The following FGF13 variants were observed in gnomAD, a reference collection of about 807,000 sequenced individuals.
FGF13 encodes the protein fibroblast growth factor 13.
Under a neutral mutation model 19.5 loss-of-function variants are expected in FGF13, and 2 were observed. That is an observed-to-expected ratio of 0.10 (90% CI 0.04 to 0.32). The LOEUF (loss-of-function observed/expected upper bound fraction) is 0.32. Ranked by LOEUF, FGF13 falls within the 10% of genes least tolerant of loss-of-function variation. The probability of loss-of-function intolerance (pLI) is 1.00; values close to 1 mark genes in which losing one functional copy is unlikely to be tolerated. For synonymous variants in FGF13, 72 were observed against 76.9 expected, an observed-to-expected ratio of 0.94 and a Z score of 0.33; for missense variants, 113 against 192.7, an observed-to-expected ratio of 0.59 and a Z score of 2.45.
chrX:139,079,435 G>A (rs1164450485), intron 1 of FGF13, among the ~76,000 whole-genome samples: 1 of 110,794 alleles, frequency 9.0e-6, no homozygotes, highest in Admixed American at 9.7e-5. Context: ...AGGAAGAAGA[G>A]GAATGGCCCC....
chrX:139,064,320 G>C (rs1312468045), intron 1 of FGF13, among the ~76,000 whole-genome samples: 1 of 50,591 alleles, frequency 2.0e-5, no homozygotes, highest in African/African-American at 1.1e-4. Flanking sequence ...TTTTGAGACG[G>C]AGTCTCGCTC....
At chrX:138,778,143 G>A (rs989165821) in intron 3 of FGF13, among the ~76,000 whole-genome samples, 1 of 110,298 alleles carries the variant, frequency 9.1e-6, no homozygotes, top group African/African-American at 3.3e-5. Context: ...CTGAGGTACC[G>A]GGTTCATCTC....
At chrX:138,951,317 C>T (rs2367218) in intron 1 of FGF13, among the ~76,000 whole-genome samples, 12,535 of 111,005 alleles carry the variant, frequency 0.11, 846 homozygotes, top group African/African-American at 0.25. Context: ...TGTAGGCTCT[C>T]GAAGAAAACA....
Position 139,051,082 on chromosome X carries a change from A to G in FGF13, c.-113+152334T>C, listed in dbSNP as rs577564951. 6.2e-5 allele frequency among the ~76,000 whole-genome samples: 7 copies of G among 112,146 alleles called. No individual in the cohort carries two copies. The South Asian group carries it at 1.9e-3, about 30-fold the overall frequency. On this transcript the variant is annotated intron_variant, in intron 1 of 2. Transcript: ENST00000421460. Reference sequence around the variant, plus strand: ...TAAAGCCTCACTAAATATACCACACACAGATAGAAATATACAATAGTAAAA... The same window carrying G: ...TAAAGCCTCACTAAATATACCACACGCAGATAGAAATATACAATAGTAAAA...
intron 1 of FGF13, among the ~76,000 whole-genome samples, chrX:138,720,835 T>G (rs957083664): frequency 8.9e-6 from 1 of 112,177 alleles, no homozygotes; most frequent in African/African-American, 3.2e-5. Context: ...TAGGCCATAT[T>G]ACTTTCCCTC....
intron 3 of FGF13, among the ~76,000 whole-genome samples, chrX:138,673,036 G>A (rs1480646562): frequency 9.0e-6 from 1 of 111,093 alleles, no homozygotes; most frequent in African/African-American, 3.3e-5. Context: ...GGTGACTTTA[G>A]GAAGAGTAAT....
At chrX:139,052,631 T>G (rs1049292331) in intron 1 of FGF13, among the ~76,000 whole-genome samples, 9 of 111,278 alleles carry the variant, frequency 8.1e-5, no homozygotes, top group African/African-American at 1.3e-4. Flanking sequence ...CTGCTAAAGC[T>G]GCGCCTTGCT....
At chrX:138,801,340 C>G (rs2090827521) in intron 3 of FGF13, among the ~76,000 whole-genome samples, 1 of 112,122 alleles carries the variant, frequency 8.9e-6, no homozygotes, top group Admixed American at 9.4e-5. Flanking sequence ...AGTTAGGCCC[C>G]TCTTCTGCAG....
chrX:138,675,390 A>C (rs1015781850), intron 3 of FGF13, among the ~76,000 whole-genome samples: 23 of 112,089 alleles, frequency 2.1e-4, no homozygotes, highest in Non-Finnish European at 4.1e-4. Context: ...GGATAAATGG[A>C]ATCTAGATCT....
At chrX:138,949,772 T>G (rs1291983030) in intron 1 of FGF13, among the ~76,000 whole-genome samples, 1 of 111,467 alleles carries the variant, frequency 9.0e-6, no homozygotes, top group East Asian at 2.8e-4. Context: ...AAATAGTAAA[T>G]GGTTTGCTGT....
chrX:138,956,135 AC>A (rs1325250607), intron 1 of FGF13, among the ~76,000 whole-genome samples: 1 of 112,019 alleles, frequency 8.9e-6, no homozygotes, highest in African/African-American at 3.2e-5. Context: ...CAGGGCGAGC[AC>A]CAGATACTGC....
intron 1 of FGF13, among the ~76,000 whole-genome samples, chrX:139,093,868 T>C (rs1468816671): frequency 3.6e-5 from 4 of 112,350 alleles, no homozygotes; most frequent in Admixed American, 2.8e-4. Flanking sequence ...GAATACATCA[T>C]GTCCAAGTGC....
intron 3 of FGF13, among the ~76,000 whole-genome samples, chrX:138,824,954 A>G (rs2091024493): frequency 8.9e-6 from 1 of 112,032 alleles, no homozygotes; most frequent in Non-Finnish European, 1.9e-5. Flanking sequence ...TTCCTCCACT[A>G]CACAGGTAGC....
chrX:138,644,794 A>G (rs2089288968), intron 3 of FGF13, among the ~76,000 whole-genome samples: 1 of 112,177 alleles, frequency 8.9e-6, no homozygotes, highest in African/African-American at 3.2e-5. Flanking sequence ...GCTGCAAAAC[A>G]TAAAAGCTGG....
intron 3 of FGF13, among the ~76,000 whole-genome samples, chrX:138,682,042 G>A (rs1489658676): frequency 1.8e-5 from 2 of 112,411 alleles, no homozygotes; most frequent in African/African-American, 6.5e-5. Context: ...AGCACATGCT[G>A]TTGGAAAAAA....
At chrX:139,051,547 G>A (rs935809949) in intron 1 of FGF13, among the ~76,000 whole-genome samples, 1 of 112,288 alleles carries the variant, frequency 8.9e-6, no homozygotes. Flanking sequence ...CACCTCTGTG[G>A]AAGCCTATTA....
intron 3 of FGF13, among the ~76,000 whole-genome samples, chrX:138,820,464 C>T (rs1462450934): frequency 8.9e-6 from 1 of 111,779 alleles, no homozygotes; most frequent in African/African-American, 3.3e-5. Flanking sequence ...GGTTTGGGGT[C>T]ATTAAGTTTC....
intron 1 of FGF13, among the ~76,000 whole-genome samples, chrX:138,883,053 C>T (rs984330369): frequency 8.9e-6 from 1 of 112,088 alleles, no homozygotes; most frequent in African/African-American, 3.2e-5. Flanking sequence ...GAAGCACAGA[C>T]ACATGGATCA....
intron 1 of FGF13, among the ~76,000 whole-genome samples, chrX:139,014,672 A>G (rs1232370923): frequency 9.0e-6 from 1 of 111,290 alleles, no homozygotes; most frequent in Non-Finnish European, 1.9e-5. Context: ...TACCCAAACT[A>G]TTCTAAAAAA....
Sources: gnomAD v4.1 joint callset for allele counts (sites outside exome capture counted in the v4.1 genomes callset) on GRCh38, gnomAD v4.1.1 for gene constraint, MANE v1.5 for transcripts, NCBI Gene and HGNC (gene_info 2026-07-23, HGNC 2026-07-21) for gene names.